FMNL3: variants seen among roughly 807,000 people sequenced by gnomAD.
The protein encoded by FMNL3 is formin-like protein 3.
A neutral mutation model predicts 119.6 loss-of-function variants in FMNL3; 57 were observed. The ratio of observed to expected loss-of-function variants is 0.48; its 90% CI spans 0.39 to 0.59. The LOEUF (loss-of-function observed/expected upper bound fraction) is 0.59, where lower values mean the gene tolerates loss of function less well. FMNL3 is among the 20% of genes least tolerant of loss of function. The pLI is 0.00. For missense variants in FMNL3, 1,053 were observed against 1,323.5 expected (o/e 0.80, Z 3.17); for synonymous variants, 491 against 507.3 (o/e 0.97, Z 0.43).
rs1283466919 is a variant in FMNL3 at position 49,649,374 on chromosome 12, C to G, written c.2305-35G>C. On this transcript the variant is annotated intron_variant, in intron 19 of 25. Coordinates refer to ENST00000335154, the MANE Select transcript of FMNL3 (RefSeq NM_175736.5). The surrounding 1 kb of genome is among the most constrained non-coding windows in gnomAD (Gnocchi z 5.6). ...GAATGTGTGGGAGGCAGGTCAGGCT[C>G]AGGTCCTGAAGGCTCCTTCTTCCTC... 2.5e-6 allele frequency: 4 copies of G among 1,613,928 alleles called. No homozygotes were observed. The highest frequency in any genetic ancestry group is 1.7e-5 in the Admixed American group (1 of 60,004).
intron 1 of FMNL3, among the ~76,000 whole-genome samples, chr12:49,703,546 C>T (rs553410523): frequency 6.6e-6 from 1 of 151,960 alleles, no homozygotes; most frequent in Non-Finnish European, 1.5e-5. Context: ...ATTACTGTTT[C>T]TACAGTACAT....
chr12:49,667,091 T>C (rs7962863), intron 2 of FMNL3, among the ~76,000 whole-genome samples: 37,250 of 151,898 alleles, frequency 0.25, 7,372 homozygotes, highest in African/African-American at 0.56. Flanking sequence ...TGGGACCACG[T>C]CCTACTTTAG....
intron 1 of FMNL3, among the ~76,000 whole-genome samples, chr12:49,678,776 A>C (rs1477429044): frequency 6.6e-6 from 1 of 152,204 alleles, no homozygotes; most frequent in Admixed American, 6.5e-5. Context: ...AATTAGTCTT[A>C]AACATCAAGC....
chr12:49,693,799 C>A (rs1278808661), intron 1 of FMNL3, among the ~76,000 whole-genome samples: 2 of 151,666 alleles, frequency 1.3e-5, no homozygotes, highest in Non-Finnish European at 2.9e-5. Flanking sequence ...CAGGCACGCA[C>A]CACCACACCT....
intron 1 of FMNL3, among the ~76,000 whole-genome samples, chr12:49,686,600 A>AG (rs1297187289): frequency 6.9e-6 from 1 of 145,872 alleles, no homozygotes. Context: ...AAAAAAAAAA[A>AG]GTATTGAGCA....
chr12:49,668,436 C>T, intron 2 of FMNL3, 35 bp downstream of exon 2: 1 of 1,606,338 alleles, frequency 6.2e-7, no homozygotes, highest in Non-Finnish European at 8.5e-7. Flanking sequence ...CAAGACACAA[C>T]TCCCTACCTC....
Position 49,642,431 on chromosome 12 carries a change from CACT to C in FMNL3, c.*3381_*3383del. On this transcript the variant is annotated 3_prime_UTR_variant, in exon 26 of 26. Transcript: ENST00000335154. This position sits in a 1 kb window ranked among gnomAD's most constrained non-coding sequence, Gnocchi z 5.8. ...AAGCCTGAGGGCAGCGGTGCTTCACCACTGAGGGCCCACCCCAGTCACGTCACA... is the reference window on the plus strand; with the variant it reads ...AAGCCTGAGGGCAGCGGTGCTTCACCGAGGGCCCACCCCAGTCACGTCACA... 1 of 1,592,518 alleles carries C rather than the reference CACT, an allele frequency of 6.3e-7. No individual in the cohort carries two copies. The highest frequency in any genetic ancestry group is 8.6e-7 in the Non-Finnish European group (1 of 1,162,784).
At chr12:49,674,538 G>T (rs1944132803) in intron 1 of FMNL3, among the ~76,000 whole-genome samples, 1 of 152,240 alleles carries the variant, frequency 6.6e-6, no homozygotes, top group South Asian at 2.1e-4. Context: ...ACAGAAGCAT[G>T]TGAGTACAAG....
chr12:49,697,425 G>C (rs899397179), intron 1 of FMNL3, among the ~76,000 whole-genome samples: 1 of 152,196 alleles, frequency 6.6e-6, no homozygotes, highest in African/African-American at 2.4e-5. Flanking sequence ...CAGATAAGTG[G>C]AAGGCAAATC....
chr12:49,682,583 T>A (rs760931601), intron 1 of FMNL3, among the ~76,000 whole-genome samples: 2 of 151,962 alleles, frequency 1.3e-5, no homozygotes, highest in Admixed American at 6.6e-5. Context: ...CTGGTCCCAA[T>A]TGATCCTCCC....
rs763974542 is a variant in FMNL3, at chr12:49,644,144, G to A, written c.*1671C>T. On this transcript the variant is annotated 3_prime_UTR_variant, in exon 26 of 26. Coordinates refer to ENST00000335154, the MANE Select transcript of FMNL3 (RefSeq NM_175736.5). ...AAAGTGAGCTGAGTGAGGGTGAGCT[G>A]GAGAGGCGGCGGCGGACACTCCTAC... is the stretch of plus-strand genomic sequence containing the variant. 5 of 1,614,062 alleles carry A rather than the reference G, an allele frequency of 3.1e-6. No individual in the cohort carries two copies. The highest frequency in any genetic ancestry group is 4.2e-6 in the Non-Finnish European group (5 of 1,180,048).
In FMNL3 at chr12:49,637,180, AGTG is replaced by A. The variant is rs1187595768; in HGVS notation, c.*8632_*8634del. 3.5e-6 allele frequency: 2 copies of A among 571,066 alleles called. No homozygotes were observed. Among genetic ancestry groups the A allele is most frequent in the African/African-American group, 1.9e-5 (1 of 53,464 alleles). The allele number at this position is 571,066 out of a possible 1,614,324, so 35.4% of individuals were successfully genotyped here. ...TTTATTCCCTCAGCTTGGGGGTGGCAGTGGTGGTGGTAGTGCTAGGGGTTACTG... is the reference window on the plus strand; with the variant it reads ...TTTATTCCCTCAGCTTGGGGGTGGCAGTGGTGGTAGTGCTAGGGGTTACTG... On this transcript the variant is annotated 3_prime_UTR_variant, in exon 26 of 26. Coordinates refer to ENST00000335154, the MANE Select transcript of FMNL3 (RefSeq NM_175736.5).
In FMNL3 at chr12:49,642,878, C is replaced by T. The variant is rs752709137; in HGVS notation, c.*2937G>A. The T allele has an allele frequency of 9.6e-6, 15 of 1,564,470 alleles. No homozygotes were observed. The South Asian group carries it at 1.7e-4, about 18-fold the overall frequency. On this transcript the variant is annotated 3_prime_UTR_variant, in exon 26 of 26. Coordinates refer to ENST00000335154, the MANE Select transcript of FMNL3 (RefSeq NM_175736.5). This position sits in a 1 kb window ranked among gnomAD's most constrained non-coding sequence, Gnocchi z 5.8. ...CCAGATTTTAGGAAGTAGGATCCTT[C>T]CTGGGGCTAAGTCTGGTGCTGTCCT...
chr12:49,660,373 T>A (rs1943696866), intron 5 of FMNL3, among the ~76,000 whole-genome samples: 1 of 152,190 alleles, frequency 6.6e-6, no homozygotes, highest in Admixed American at 6.5e-5. Flanking sequence ...TTTGGAAAAA[T>A]GAGCTACATT....
rs1290094826 is a variant in FMNL3 at position 49,645,396 on chromosome 12, TC to T, written c.*418del. On this transcript the variant is annotated 3_prime_UTR_variant, in exon 26 of 26. Transcript: ENST00000335154. ...ACTGAGACTGGCAGGGTCCCAGGGC[TC>T]CCTAAGCCTAGATACATCTAGACCA... The T allele has an allele frequency of 3.2e-5, 5 of 156,290 alleles. No individual in the cohort carries two copies. Among genetic ancestry groups the T allele is most frequent in the Admixed American group, 2.0e-4 (3 of 15,320 alleles). The allele number at this position is 156,290 out of a possible 1,614,324, so 9.7% of individuals were successfully genotyped here.
At chr12:49,695,748 C>T (rs1012145810) in intron 1 of FMNL3, among the ~76,000 whole-genome samples, 1 of 151,708 alleles carries the variant, frequency 6.6e-6, no homozygotes, top group African/African-American at 2.4e-5. Flanking sequence ...CATAAGTCCC[C>T]CAAAAGATGT....
intron 1 of FMNL3, among the ~76,000 whole-genome samples, chr12:49,693,316 G>A (rs1400299764): frequency 6.6e-6 from 1 of 152,088 alleles, no homozygotes; most frequent in African/African-American, 2.4e-5. Context: ...GTAGAGAAAA[G>A]GGACAGGCAG....
Position 49,642,444 on chromosome 12 carries a change from C to T in FMNL3, c.*3371G>A. 3 of 1,582,378 alleles carry T rather than the reference C, an allele frequency of 1.9e-6. No individual in the cohort carries two copies. The highest frequency in any genetic ancestry group is 1.7e-6 in the Non-Finnish European group (2 of 1,153,954). ...GCGGTGCTTCACCACTGAGGGCCCA[C>T]CCCAGTCACGTCACAGCCCTGGGCC... On this transcript the variant is annotated 3_prime_UTR_variant, in exon 26 of 26. Coordinates refer to ENST00000335154, the MANE Select transcript of FMNL3 (RefSeq NM_175736.5). This position sits in a 1 kb window ranked among gnomAD's most constrained non-coding sequence, Gnocchi z 5.8.
chr12:49,652,396 A>G (rs1943432804), intron 13 of FMNL3, among the ~76,000 whole-genome samples, 184 bp from the exon 14 acceptor site: 1 of 152,130 alleles, frequency 6.6e-6, no homozygotes, highest in South Asian at 2.1e-4. Flanking sequence ...CAAAAGAGGC[A>G]AGCAGAAGCT....
Sources: gnomAD v4.1 joint callset for allele counts (sites outside exome capture counted in the v4.1 genomes callset) on GRCh38, gnomAD v4.1.1 for gene constraint, Gnocchi (gnomAD v3.1) non-coding constraint, MANE v1.5 for transcripts, NCBI Gene and HGNC (gene_info 2026-07-23, HGNC 2026-07-21) for gene names.